SDK2: variants seen among roughly 807,000 people sequenced by gnomAD.
SDK2 encodes the protein protein sidekick-2.
A neutral mutation model predicts 253.9 loss-of-function variants in SDK2; 105 were observed. That is an observed-to-expected ratio of 0.41 (90% CI 0.35 to 0.49). The LOEUF is 0.49. Ranked by LOEUF, SDK2 falls within the 20% of genes least tolerant of loss-of-function variation. SDK2 has a pLI of 0.06. For synonymous variants in SDK2, 1,249 were observed against 1,234.9 expected (o/e 1.01, Z -0.24); for missense variants, 2,608 against 3,003.0 (o/e 0.87, Z 3.07).
intron 2 of SDK2, among the ~76,000 whole-genome samples, chr17:73,473,276 G>C (rs959695930): frequency 3.3e-5 from 5 of 152,228 alleles, no homozygotes; most frequent in Admixed American, 1.3e-4. Flanking sequence ...TGAGAGGCAA[G>C]GAGGAGGCAC....
At chr17:73,540,295 C>T (rs923591018) in intron 1 of SDK2, among the ~76,000 whole-genome samples, 1 of 152,222 alleles carries the variant, frequency 6.6e-6, no homozygotes, top group Non-Finnish European at 1.5e-5. Flanking sequence ...TTCTAAGCCA[C>T]TCAGCATGTG....
intron 1 of SDK2, among the ~76,000 whole-genome samples, chr17:73,548,020 A>G (rs55649565): frequency 0.16 from 24,184 of 152,170 alleles, 1,932 homozygotes; most frequent in South Asian, 0.21. Context: ...ACACTTTTAA[A>G]TCTTCAGATC....
chr17:73,455,894 C>A lies in SDK2; in HGVS notation c.479+12G>T. The A allele has an allele frequency of 6.5e-7, 1 of 1,539,058 alleles. No individual in the cohort carries two copies. The highest frequency in any genetic ancestry group is 8.7e-7 in the Non-Finnish European group (1 of 1,145,546). On this transcript the variant is annotated intron_variant, in intron 4 of 44. Coordinates refer to ENST00000392650, the MANE Select transcript of SDK2 (RefSeq NM_001144952.2). This position sits in a 1 kb window ranked among gnomAD's most constrained non-coding sequence, Gnocchi z 5.0. The stretch of plus-strand genomic sequence containing the variant: ...CCCTCCCCTCCCCGTCCCCTCAGAG[C>A]GATGCACTCACATGCGGCTGCTGGG...
intron 18 of SDK2, among the ~76,000 whole-genome samples, chr17:73,412,058 ATG>A (rs1491415870): frequency 4.7e-3 from 99 of 21,102 alleles, no homozygotes; most frequent in African/African-American, 8.2e-3. Flanking sequence ...ATATACGTAT[ATG>A]TATATATACG....
At chr17:73,529,513 T>G (rs376617221) in intron 1 of SDK2, among the ~76,000 whole-genome samples, 1 of 152,144 alleles carries the variant, frequency 6.6e-6, no homozygotes, top group Non-Finnish European at 1.5e-5. Context: ...TCATTTCCAC[T>G]TGGAACCTCA....
At chr17:73,590,863 G>A (rs1316841190) in intron 1 of SDK2, among the ~76,000 whole-genome samples, 2 of 152,204 alleles carry the variant, frequency 1.3e-5, no homozygotes, top group Non-Finnish European at 2.9e-5. Context: ...CCACCGGACT[G>A]TAGGAAGGCG....
In SDK2 at chr17:73,422,269, G is replaced by C. The variant is rs1870691778; in HGVS notation, c.2045+18C>G. 1 of 1,613,212 alleles carries C rather than the reference G, an allele frequency of 6.2e-7. No individual in the cohort carries two copies. The highest frequency in any genetic ancestry group is 2.2e-5 in the East Asian group (1 of 44,858). On this transcript the variant is annotated intron_variant, in intron 15 of 44. Coordinates refer to ENST00000392650, the MANE Select transcript of SDK2 (RefSeq NM_001144952.2). ...TTGGAGTCCTGGCGACGCCCCTGTAGAGCGCCAGTGCCCTCACCTCTCGGT... is the reference window on the plus strand; with the variant it reads ...TTGGAGTCCTGGCGACGCCCCTGTACAGCGCCAGTGCCCTCACCTCTCGGT...
intron 14 of SDK2, 135 bp from the exon 15 acceptor site, chr17:73,422,569 G>T: frequency 1.1e-6 from 1 of 938,204 alleles, no homozygotes; most frequent in Non-Finnish European, 1.6e-6. Context: ...TGCAGGAGTG[G>T]CCCGCCATGC....
chr17:73,397,271 C>T lies in SDK2; in HGVS notation c.3354+764G>A, dbSNP rs373551485. Among the ~76,000 whole-genome samples, 8 of 152,264 alleles carry T rather than the reference C, an allele frequency of 5.3e-5. No homozygotes were observed. In the East Asian group the frequency reaches 1.2e-3, roughly 22 times the overall value. On this transcript the variant is annotated intron_variant, in intron 24 of 44. Transcript: ENST00000392650. ...GGATTGCTGCTCTGTGGGACACGTG[C>T]TGGGAAACGATGTTCCAGAGGGCCT...
At chr17:73,391,392 C>T (rs780433227) in intron 28 of SDK2, 48 bp downstream of exon 28, 9 of 1,133,394 alleles carry the variant, frequency 7.9e-6, no homozygotes, top group Non-Finnish European at 9.1e-6. Context: ...GCAGCTCATG[C>T]CTCTTCCTTC....
chr17:73,408,318 C>T (rs1395373205), intron 18 of SDK2, among the ~76,000 whole-genome samples: 12 of 149,342 alleles, frequency 8.0e-5, no homozygotes, highest in Non-Finnish European at 1.5e-4. Context: ...CCCGGGTTCA[C>T]GCCTTTCTCC....
chr17:73,434,972 G>T (rs577431087), intron 9 of SDK2, among the ~76,000 whole-genome samples: 1 of 152,242 alleles, frequency 6.6e-6, no homozygotes, highest in South Asian at 2.1e-4. Flanking sequence ...TCTGGGAAGC[G>T]GCCAGGGCAA....
At position 73,472,163 on chromosome 17, in the gene SDK2, G is replaced by A. The variant is rs754190867; in HGVS notation, c.280C>T (p.Arg94Trp). Reference sequence around the variant, plus strand: ...TGCAGCAGGGCCCCCATTCGGTTCCGCACGATGCAACGGTAAAAGCCAGCG... The same window carrying A: ...TGCAGCAGGGCCCCCATTCGGTTCCACACGATGCAACGGTAAAAGCCAGCG... Reference protein sequence around the residue: ...THAGFYRCIVRNRMGALLQRQ... With the variant: ...THAGFYRCIVWNRMGALLQRQ... Residue 94 changes from arginine to tryptophan, a missense_variant, in exon 3 of 45, where the codon CGG (arginine) becomes TGG (tryptophan). Transcript: ENST00000392650. The A allele has an allele frequency of 7.1e-6, 11 of 1,551,574 alleles. No homozygotes were observed. Among genetic ancestry groups the A allele is most frequent in the African/African-American group, 1.4e-5 (1 of 73,058 alleles).
chr17:73,626,304 G>A (rs2046200964), intron 1 of SDK2, among the ~76,000 whole-genome samples: 1 of 152,186 alleles, frequency 6.6e-6, no homozygotes, highest in Non-Finnish European at 1.5e-5. Flanking sequence ...GGGAGGGGGA[G>A]GACAGGGGCC....
At chr17:73,599,740 A>G (rs2045811479) in intron 1 of SDK2, among the ~76,000 whole-genome samples, 1 of 152,184 alleles carries the variant, frequency 6.6e-6, no homozygotes, top group African/African-American at 2.4e-5. Context: ...ATTCCTCTCC[A>G]TCCTGAGACT....
intron 4 of SDK2, among the ~76,000 whole-genome samples, chr17:73,449,869 G>A (rs1328552089): frequency 6.6e-6 from 1 of 152,068 alleles, no homozygotes; most frequent in Non-Finnish European, 1.5e-5. Context: ...GTTGCGGCCA[G>A]CCGAGGTCGC....
At position 73,483,625 on chromosome 17, in the gene SDK2, G is replaced by GTATGTGTATA. The variant is rs1567799037; in HGVS notation, c.225-11408_225-11407insTATACACATA. Reference sequence around the variant, plus strand: ...TATGTGTATATATATGTATATATATGTATATGTATATATATATGTGTGTGT... The same window carrying GTATGTGTATA: ...TATGTGTATATATATGTATATATATGTATGTGTATATATATGTATATATATATGTGTGTGT... On this transcript the variant is annotated intron_variant, in intron 2 of 44. Transcript: ENST00000392650. 2.7e-3 allele frequency among the ~76,000 whole-genome samples: 288 copies of GTATGTGTATA among 107,406 alleles called. 15 individuals are homozygous for GTATGTGTATA. The highest frequency in any genetic ancestry group is 6.5e-3 in the African/African-American group (174 of 26,956). The allele number at this position is 107,406 out of a possible 152,430, so 70.5% of individuals were successfully genotyped here. A position where few individuals can be genotyped will look rare whatever the true frequency, so the allele number is the denominator to read the frequency against.
intron 1 of SDK2, among the ~76,000 whole-genome samples, chr17:73,599,959 T>G (rs913008029): frequency 6.6e-6 from 1 of 152,274 alleles, no homozygotes; most frequent in African/African-American, 2.4e-5. Context: ...AGTATGTGAC[T>G]GCTGTTGTGA....
intron 18 of SDK2, among the ~76,000 whole-genome samples, chr17:73,413,201 G>A (rs945434146): frequency 1.1e-4 from 17 of 151,930 alleles, no homozygotes; most frequent in African/African-American, 3.6e-4. Context: ...ATTCTCACAG[G>A]AGCGTGAACC....
Sources: allele counts gnomAD v4.1 joint callset (sites outside exome capture counted in the v4.1 genomes callset), GRCh38; gene constraint gnomAD v4.1.1; non-coding constraint Gnocchi (gnomAD v3.1); transcripts MANE v1.5; gene names NCBI Gene and HGNC (gene_info 2026-07-23, HGNC 2026-07-21).